Variants in PCDHGA9 observed in about 807,000 individuals in gnomAD.
PCDHGA9 encodes protocadherin gamma-A9.
In PCDHGA9, 37 loss-of-function variants were observed where a neutral mutation model predicts 62.5. The observed-to-expected ratio is 0.59, with a 90% CI of 0.46 to 0.78. The LOEUF is 0.78. Among genes scored for constraint, PCDHGA9 ranks in the 30% least tolerant of loss-of-function variants. The pLI, the probability that PCDHGA9 is intolerant of heterozygous loss-of-function variation, is 0.00. For missense variants in PCDHGA9, 1,138 were observed against 1,166.2 expected, an observed-to-expected ratio of 0.98 and a Z score of 0.35; for synonymous variants, 459 against 484.6, an observed-to-expected ratio of 0.95 and a Z score of 0.69.
chr5:141,450,280 T>C (rs1374970772), intron 1 of PCDHGA9, among the ~76,000 whole-genome samples: 2 of 152,166 alleles, frequency 1.3e-5, no homozygotes, highest in African/African-American at 4.8e-5. Context: ...AGCTAAGTGC[T>C]GGGATTACAG....
intron 1 of PCDHGA9, among the ~76,000 whole-genome samples, chr5:141,482,079 C>A (rs2099551704): frequency 8.4e-6 from 1 of 119,308 alleles, no homozygotes; most frequent in African/African-American, 3.8e-5. Context: ...GAACAAAACT[C>A]ACTCCATCTC....
rs139156138 is a variant in PCDHGA9 at position 141,472,179 on chromosome 5, T to C, written c.2425-22628T>C. 5.1e-4 allele frequency among the ~76,000 whole-genome samples: 77 copies of C among 152,246 alleles called. 4 individuals are homozygous for C. The East Asian group carries it at 0.014, about 27-fold the overall frequency. On this transcript the variant is annotated intron_variant, in intron 1 of 3. Coordinates refer to ENST00000573521, the MANE Select transcript of PCDHGA9 (RefSeq NM_018921.3). ...TAGCTACTAGGTGTAATATCCAGTATTGGAATTTGAATCTTTTTGACACTA... is the reference window on the plus strand; with the variant it reads ...TAGCTACTAGGTGTAATATCCAGTACTGGAATTTGAATCTTTTTGACACTA...
chr5:141,502,862 C>T (rs2099816351), intron 2 of PCDHGA9, among the ~76,000 whole-genome samples: 1 of 68,558 alleles, frequency 1.5e-5, no homozygotes, highest in African/African-American at 1.0e-4. Context: ...CCCTGACTCT[C>T]TGTCTTTTTT....
intron 1 of PCDHGA9, chr5:141,410,146 C>T (rs2095361527): frequency 2.5e-6 from 4 of 1,612,390 alleles, no homozygotes; most frequent in Non-Finnish European, 2.5e-6. Context: ...CTGTGCGTGA[C>T]GGTGGACAGC....
At chr5:141,414,290 T>C (rs781378958) in intron 1 of PCDHGA9, 1 of 1,613,272 alleles carries the variant, frequency 6.2e-7, no homozygotes, top group Admixed American at 1.7e-5. Context: ...GTCGTAGCCC[T>C]TTTAAATGTG....
intron 1 of PCDHGA9, among the ~76,000 whole-genome samples, chr5:141,451,395 A>G (rs2098715118): frequency 6.6e-6 from 1 of 152,184 alleles, no homozygotes; most frequent in Admixed American, 6.6e-5. Context: ...AGTTAATGGC[A>G]AAATTAAGTT....
intron 1 of PCDHGA9, among the ~76,000 whole-genome samples, chr5:141,471,992 C>T (rs2099268578): frequency 6.6e-6 from 1 of 152,070 alleles, no homozygotes; most frequent in Non-Finnish European, 1.5e-5. Flanking sequence ...TATTAAAAAT[C>T]CCTGCATCGT....
chr5:141,419,945 T>C (rs2096451536), intron 1 of PCDHGA9: 4 of 1,614,088 alleles, frequency 2.5e-6, no homozygotes, highest in Middle Eastern at 1.6e-4. Context: ...GGTGGTGGCC[T>C]TGGCCTTGAT....
At chr5:141,415,736 TAAGG>T (rs2095905512) in intron 1 of PCDHGA9, 1 of 1,289,864 alleles carries the variant, frequency 7.8e-7, no homozygotes, top group Admixed American at 3.4e-5. Flanking sequence ...TGATGTTTAT[TAAGG>T]TTTTTTTTTT....
rs374140638 is a variant in PCDHGA9 at position 141,487,759 on chromosome 5, C to T, written c.2425-7048C>T. ...TTGTAAGAGGTAACTATGTGGTAGA[C>T]GCTGTGCTTTGTAACTGTTTCGTGA... On this transcript the variant is annotated intron_variant, in intron 1 of 3. Transcript: ENST00000573521. The surrounding 1 kb of genome is among the most constrained non-coding windows in gnomAD (Gnocchi z 5.0). 45 of 1,546,278 alleles carry T rather than the reference C, an allele frequency of 2.9e-5. No individual in the cohort carries two copies. The highest frequency in any genetic ancestry group is 1.1e-4 in the African/African-American group (8 of 73,160).
intron 1 of PCDHGA9, chr5:141,410,663 T>C (rs2095415377): frequency 6.4e-7 from 1 of 1,570,102 alleles, no homozygotes; most frequent in Non-Finnish European, 8.6e-7. Flanking sequence ...AATAGTCTAC[T>C]AGTTTCTCAT....
At chr5:141,500,822 T>A (rs1377955680) in intron 2 of PCDHGA9, among the ~76,000 whole-genome samples, 1 of 152,240 alleles carries the variant, frequency 6.6e-6, no homozygotes, top group African/African-American at 2.4e-5. Context: ...TACATATTAT[T>A]TTTCTAATGC....
At chr5:141,414,148 G>C in intron 1 of PCDHGA9, 7 of 1,598,900 alleles carry the variant, frequency 4.4e-6, no homozygotes, top group Non-Finnish European at 6.0e-6. Flanking sequence ...AGAAATACAA[G>C]CAGAAGATGG....
intron 1 of PCDHGA9, among the ~76,000 whole-genome samples, chr5:141,482,410 T>G (rs1054330181): frequency 2.3e-4 from 35 of 151,890 alleles, no homozygotes; most frequent in Non-Finnish European, 1.0e-4. Flanking sequence ...AATAACTATT[T>G]GTTGAACTAA....
At chr5:141,505,977 G>A (rs944259753) in intron 3 of PCDHGA9, among the ~76,000 whole-genome samples, 1 of 152,150 alleles carries the variant, frequency 6.6e-6, no homozygotes, top group East Asian at 1.9e-4. Flanking sequence ...CCAGCCGAGA[G>A]AACACCTCCT....
chr5:141,428,159 G>A (rs1377084529), intron 1 of PCDHGA9: 1 of 1,571,752 alleles, frequency 6.4e-7, no homozygotes, highest in East Asian at 2.2e-5. Context: ...GAACCTGCTG[G>A]TTGCTGTGCG....
chr5:141,450,220 G>A (rs898186696), intron 1 of PCDHGA9, among the ~76,000 whole-genome samples: 12 of 151,956 alleles, frequency 7.9e-5, no homozygotes, highest in African/African-American at 2.9e-4. Flanking sequence ...GTTTCACTAT[G>A]TTGGCCAGGC....
intron 1 of PCDHGA9, chr5:141,441,978 A>T (rs769977785): frequency 9.1e-5 from 26 of 285,248 alleles, no homozygotes; most frequent in Non-Finnish European, 1.8e-4. Flanking sequence ...TCAGCCTGGA[A>T]TGCGCACCGA....
In PCDHGA9 at chr5:141,476,467, G is replaced by A. The variant is rs375302797; in HGVS notation, c.2425-18340G>A. On this transcript the variant is annotated intron_variant, in intron 1 of 3. Transcript: ENST00000573521. This position sits in a 1 kb window ranked among gnomAD's most constrained non-coding sequence, Gnocchi z 7.6. Reference sequence around the variant, plus strand: ...AGTTGGTAGTGGAGAACCCGCTGGAGCTGTTCAGCGTGGAAGTGGTGATCC... The same window carrying A: ...AGTTGGTAGTGGAGAACCCGCTGGAACTGTTCAGCGTGGAAGTGGTGATCC... The A allele has an allele frequency of 2.3e-5, 37 of 1,614,142 alleles. No individual in the cohort carries two copies. The African/African-American group carries it at 4.5e-4, about 20-fold the overall frequency.
Sources: gnomAD v4.1 joint callset for allele counts (sites outside exome capture counted in the v4.1 genomes callset) on GRCh38, gnomAD v4.1.1 for gene constraint, Gnocchi (gnomAD v3.1) non-coding constraint, MANE v1.5 for transcripts, NCBI Gene and HGNC (gene_info 2026-07-23, HGNC 2026-07-21) for gene names.